The following PRKN variants were observed in gnomAD, a reference collection of about 807,000 sequenced individuals.
PRKN encodes the protein parkin RBR E3 ubiquitin protein ligase.
Under a neutral mutation model 59.5 loss-of-function variants are expected in PRKN, and 56 were observed. The observed-to-expected ratio is 0.94, with a 90% CI of 0.76 to 1.18. The LOEUF (loss-of-function observed/expected upper bound fraction) is 1.18. PRKN is among the 50% of genes most tolerant of loss of function. PRKN has a pLI of 0.00. For missense variants in PRKN, 657 were observed against 596.4 expected (o/e 1.10, Z -1.06); for synonymous variants, 250 against 222.1 (o/e 1.13, Z -1.12).
chr6:161,874,824 T>TATAAAATATATATAATAC (rs1163637187), intron 6 of PRKN, among the ~76,000 whole-genome samples: 1 of 108,840 alleles, frequency 9.2e-6, no homozygotes, highest in African/African-American at 3.9e-5. Flanking sequence ...ATGTATAATA[T>TATAAAATATATATAATAC]ATAAAATGTA....
intron 7 of PRKN, among the ~76,000 whole-genome samples, chr6:161,713,909 T>C (rs6935243): frequency 0.021 from 3,271 of 152,240 alleles, 132 homozygotes; most frequent in African/African-American, 0.074. Context: ...GATGGTTCTA[T>C]AAAGGGCAGT....
intron 9 of PRKN, among the ~76,000 whole-genome samples, chr6:161,542,379 T>G (rs1441279798): frequency 1.3e-5 from 2 of 152,176 alleles, no homozygotes; most frequent in Non-Finnish European, 2.9e-5. Flanking sequence ...TACCTCAAAA[T>G]CACGGAACAC....
intron 6 of PRKN, among the ~76,000 whole-genome samples, chr6:161,909,926 C>A (rs1337035902): frequency 6.6e-6 from 1 of 152,118 alleles, no homozygotes; most frequent in East Asian, 1.9e-4. Flanking sequence ...TCATTAAGAA[C>A]CTTCATGGAA....
chr6:162,378,555 A>C (rs1156653490), intron 2 of PRKN, among the ~76,000 whole-genome samples: 2 of 152,246 alleles, frequency 1.3e-5, no homozygotes, highest in Admixed American at 1.3e-4. Flanking sequence ...ATGATTATTC[A>C]AGCTTTCGTC....
intron 4 of PRKN, among the ~76,000 whole-genome samples, chr6:162,197,089 C>T (rs559005264): frequency 1.8e-4 from 28 of 152,206 alleles, no homozygotes; most frequent in Middle Eastern, 3.4e-3. Context: ...TAGTCAGCCA[C>T]ACAAGATCCT....
At chr6:162,285,777 G>C (rs1781161336) in intron 2 of PRKN, among the ~76,000 whole-genome samples, 1 of 152,138 alleles carries the variant, frequency 6.6e-6, no homozygotes, top group African/African-American at 2.4e-5. Flanking sequence ...TGGCTACACT[G>C]ATTCCTTTTA....
intron 5 of PRKN, among the ~76,000 whole-genome samples, chr6:162,043,532 T>A (rs1199114961): frequency 6.6e-6 from 1 of 152,170 alleles, no homozygotes; most frequent in African/African-American, 2.4e-5. Context: ...CAGAGGCCAA[T>A]GGCCATGGAC....
At chr6:162,358,713 C>A (rs1208871220) in intron 2 of PRKN, among the ~76,000 whole-genome samples, 1 of 151,898 alleles carries the variant, frequency 6.6e-6, no homozygotes, top group African/African-American at 2.4e-5. Context: ...GTCTCCTATC[C>A]CTATCTTATC....
At chr6:161,849,953 C>T (rs769660301) in intron 6 of PRKN, among the ~76,000 whole-genome samples, 9 of 152,092 alleles carry the variant, frequency 5.9e-5, no homozygotes, top group Non-Finnish European at 1.2e-4. Flanking sequence ...CAGCTATTTT[C>T]GCTACCGTAA....
intron 1 of PRKN, among the ~76,000 whole-genome samples, chr6:162,703,602 C>T (rs1463211281): frequency 1.3e-5 from 2 of 152,106 alleles, no homozygotes; most frequent in East Asian, 1.9e-4. Context: ...AGGCACGGGG[C>T]TAAGAACTTT....
chr6:161,550,346 G>A lies in PRKN; in HGVS notation c.934-1343C>T, dbSNP rs146590570. Among the ~76,000 whole-genome samples, 1 of 152,324 alleles carries A rather than the reference G, an allele frequency of 6.6e-6. No individual in the cohort carries two copies. The highest frequency in any genetic ancestry group is 1.9e-4 in the East Asian group (1 of 5,184). On this transcript the variant is annotated intron_variant, in intron 8 of 11. Coordinates refer to ENST00000366898, the MANE Select transcript of PRKN (RefSeq NM_004562.3). The surrounding 1 kb of genome is among the most constrained non-coding windows in gnomAD (Gnocchi z 4.0). ...ACCAGAACCACTGCAGAACTCTGAG[G>A]CTGAGGCATGACATAATTTGACTAA...
chr6:162,374,595 A>ACCTATCC (rs1365684968), intron 2 of PRKN, among the ~76,000 whole-genome samples: 5 of 151,608 alleles, frequency 3.3e-5, no homozygotes, highest in African/African-American at 1.2e-4. Flanking sequence ...AGGGTGACCC[A>ACCTATCC]AACTTTACTG....
At position 161,746,571 on chromosome 6, in the gene PRKN, T is replaced by A. The variant is rs868522703; in HGVS notation, c.871+39201A>T. ...TATCTATTTTTTTATATATATATATTTATATATATATATATACACACACAC... is the reference window on the plus strand; with the variant it reads ...TATCTATTTTTTTATATATATATATATATATATATATATATACACACACAC... On this transcript the variant is annotated intron_variant, in intron 7 of 11. Transcript: ENST00000366898. 2.9e-4 allele frequency among the ~76,000 whole-genome samples: 42 copies of A among 142,460 alleles called. No homozygotes were observed. In the South Asian group the frequency reaches 7.8e-3, roughly 26 times the overall value. The allele number at this position is 142,460 out of a possible 152,430, so 93.5% of individuals were successfully genotyped here.
At chr6:161,869,763 C>A (rs1225047599) in intron 6 of PRKN, among the ~76,000 whole-genome samples, 1 of 152,152 alleles carries the variant, frequency 6.6e-6, no homozygotes, top group Non-Finnish European at 1.5e-5. Flanking sequence ...TTCCTGCCAA[C>A]TTATTCATTG....
intron 9 of PRKN, among the ~76,000 whole-genome samples, chr6:161,504,656 C>T (rs1189979853): frequency 6.8e-6 from 1 of 147,336 alleles, no homozygotes; most frequent in Non-Finnish European, 1.5e-5. Flanking sequence ...GTATATCTCC[C>T]AATGCTATCC....
At chr6:162,339,961 C>T (rs978183645) in intron 2 of PRKN, among the ~76,000 whole-genome samples, 1 of 148,058 alleles carries the variant, frequency 6.8e-6, no homozygotes, top group Non-Finnish European at 1.5e-5. Flanking sequence ...AGAGTCATCA[C>T]CAATCCCTAA....
Position 162,469,509 on chromosome 6 carries a change from T to TACACACAC in PRKN, c.8-26044_8-26037dup, listed in dbSNP as rs74725154. 2.2e-3 allele frequency among the ~76,000 whole-genome samples: 324 copies of TACACACAC among 149,024 alleles called. 1 individual carries two copies. The highest frequency in any genetic ancestry group is 7.2e-3 in the African/African-American group (293 of 40,506). On this transcript the variant is annotated intron_variant, in intron 1 of 11. Transcript: ENST00000366898. The stretch of plus-strand genomic sequence containing the variant: ...ACTGTGGTATGTGTGTGTGTGTGTA[T>TACACACAC]ACACACACACACACACACACATACA...
intron 4 of PRKN, among the ~76,000 whole-genome samples, chr6:162,117,397 C>T (rs1780719667): frequency 1.3e-5 from 2 of 152,224 alleles, no homozygotes; most frequent in Admixed American, 1.3e-4. Flanking sequence ...TCACAGATCC[C>T]ACGCTGTGGC....
At chr6:161,790,655 G>C (rs1790602236) in intron 6 of PRKN, among the ~76,000 whole-genome samples, 1 of 152,044 alleles carries the variant, frequency 6.6e-6, no homozygotes, top group African/African-American at 2.4e-5. Context: ...CAGGAAGTGG[G>C]GATCTCACCA....
Sources: allele counts gnomAD v4.1 joint callset (sites outside exome capture counted in the v4.1 genomes callset), GRCh38; gene constraint gnomAD v4.1.1; non-coding constraint Gnocchi (gnomAD v3.1); transcripts MANE v1.5; gene names NCBI Gene and HGNC (gene_info 2026-07-23, HGNC 2026-07-21).